The following FBXL13 variants were observed in gnomAD, a reference collection of about 807,000 sequenced individuals.
FBXL13 encodes the protein F-box and leucine rich repeat protein 13.
A neutral mutation model predicts 83.6 loss-of-function variants in FBXL13; 67 were observed. That is an observed-to-expected ratio of 0.80 (90% CI 0.66 to 0.98). The LOEUF is 0.98. Ranked by LOEUF, FBXL13 falls within the 50% of genes least tolerant of loss-of-function variation. The pLI, the probability that FBXL13 is intolerant of heterozygous loss-of-function variation, is 0.00. For synonymous variants in FBXL13, 272 were observed against 299.5 expected (o/e 0.91, Z 0.95); for missense variants, 822 against 866.5 (o/e 0.95, Z 0.64).
chr7:103,015,933 C>G (rs1459303832), intron 6 of FBXL13, among the ~76,000 whole-genome samples: 2 of 152,046 alleles, frequency 1.3e-5, no homozygotes, highest in Non-Finnish European at 2.9e-5. Flanking sequence ...AGGAATACAG[C>G]TCTAACCAGC....
At chr7:102,905,506 T>C (rs1433452879) in intron 11 of FBXL13, among the ~76,000 whole-genome samples, 1 of 152,218 alleles carries the variant, frequency 6.6e-6, no homozygotes, top group African/African-American at 2.4e-5. Flanking sequence ...TGTGTCTTTA[T>C]AGATGAAGTC....
At chr7:102,952,063 A>G (rs2140621) in intron 8 of FBXL13, among the ~76,000 whole-genome samples, 147,879 of 152,220 alleles carry the variant, frequency 0.97, 71,987 homozygotes, top group East Asian at 1. Flanking sequence ...CCCTGACGAC[A>G]TTGTGCTAAG....
intron 8 of FBXL13, 39 bp from the exon 10 acceptor site, chr7:102,931,972 G>C: frequency 6.3e-7 from 1 of 1,588,532 alleles, no homozygotes. Context: ...ACTACATATT[G>C]CAAATGTTTA....
intron 10 of FBXL13, among the ~76,000 whole-genome samples, chr7:102,925,143 C>T (rs1817870260): frequency 6.6e-6 from 1 of 152,168 alleles, no homozygotes; most frequent in South Asian, 2.1e-4. Context: ...TGGCTCATGC[C>T]AGCACTTTGG....
intron 6 of FBXL13, chr7:102,973,563 CGTGTTGTCT>C (rs768133436): frequency 2.2e-5 from 17 of 765,110 alleles, no homozygotes; most frequent in South Asian, 6.7e-5. Context: ...CACACTGCCT[CGTGTTGTCT>C]GTTGGCACAC....
intron 8 of FBXL13, among the ~76,000 whole-genome samples, chr7:102,948,658 G>A (rs941598183): frequency 4.6e-5 from 7 of 151,700 alleles, no homozygotes; most frequent in African/African-American, 1.7e-4. Context: ...CTCCTGACCT[G>A]TGATCTGCCT....
Position 102,822,190 on chromosome 7 carries a change from G to A in FBXL13, c.1868C>T (p.Ala623Val), listed in dbSNP as rs374520810. The change falls in exon 19 of 20, where the codon GCA becomes GTA. Residue 623 changes from alanine to valine, a missense_variant. Ala to Val is a moderately conservative substitution (Grantham distance 64). Transcript: ENST00000313221. ...GCATTTTGCCGATAACATCTCCATTGCTGAGTCAGTAATCTGAACACAGAG... is the reference window on the plus strand; with the variant it reads ...GCATTTTGCCGATAACATCTCCATTACTGAGTCAGTAATCTGAACACAGAG... 8 of 1,613,872 alleles carry A rather than the reference G, an allele frequency of 5.0e-6. No individual in the cohort carries two copies. The Admixed American group carries it at 6.7e-5, about 13-fold the overall frequency.
chr7:103,036,945 C>T (rs1487926379), intron 2 of FBXL13, among the ~76,000 whole-genome samples: 1 of 152,186 alleles, frequency 6.6e-6, no homozygotes, highest in African/African-American at 2.4e-5. Flanking sequence ...GTTTCTTAAA[C>T]ATGTTCATGT....
intron 1 of FBXL13, among the ~76,000 whole-genome samples, chr7:103,069,370 C>A (rs1400947874): frequency 6.6e-6 from 1 of 152,162 alleles, no homozygotes; most frequent in Non-Finnish European, 1.5e-5. Context: ...TTATGCCCTC[C>A]CCAAGTTTGC....
At chr7:103,037,843 G>A (rs146884773) in intron 2 of FBXL13, among the ~76,000 whole-genome samples, 7 of 152,020 alleles carry the variant, frequency 4.6e-5, no homozygotes, top group African/African-American at 1.4e-4. Flanking sequence ...CAAGATGGCC[G>A]AATAGAAACA....
intron 6 of FBXL13, among the ~76,000 whole-genome samples, chr7:103,024,850 TA>T (rs1226728927): frequency 0.03 from 3,254 of 106,826 alleles, 61 homozygotes; most frequent in East Asian, 0.088. Context: ...TATATATATA[TA>T]TATATATTTT....
At chr7:102,934,526 C>T in intron 8 of FBXL13, 1 of 1,604,078 alleles carries the variant, frequency 6.2e-7, no homozygotes, top group Non-Finnish European at 8.5e-7. Flanking sequence ...AAAACTGCGG[C>T]AGATAAAATC....
At chr7:103,047,695 T>G (rs1051959103) in intron 2 of FBXL13, among the ~76,000 whole-genome samples, 1 of 151,998 alleles carries the variant, frequency 6.6e-6, no homozygotes, top group Non-Finnish European at 1.5e-5. Context: ...TCCTATACAT[T>G]TTTTTTTGTT....
intron 2 of FBXL13, among the ~76,000 whole-genome samples, chr7:103,034,364 G>A (rs79049204): frequency 0.057 from 8,663 of 152,280 alleles, 482 homozygotes; most frequent in East Asian, 0.28. Context: ...CAGGCATGGC[G>A]GACTGCAGGT....
At chr7:103,068,387 C>G (rs1401065075) in intron 1 of FBXL13, among the ~76,000 whole-genome samples, 2 of 152,182 alleles carry the variant, frequency 1.3e-5, no homozygotes, top group Non-Finnish European at 2.9e-5. Flanking sequence ...TAACCTATCT[C>G]TAGATCTGAG....
At chr7:102,821,898 T>C in intron 19 of FBXL13, 142 bp downstream of exon 20, 1 of 895,468 alleles carries the variant, frequency 1.1e-6, no homozygotes, top group East Asian at 2.6e-5. Context: ...CTCACAATGT[T>C]AGCTTCAATT....
At chr7:102,927,203 G>A (rs1429852278) in intron 9 of FBXL13, among the ~76,000 whole-genome samples, 8 of 152,196 alleles carry the variant, frequency 5.3e-5, no homozygotes, top group Admixed American at 1.3e-4. Flanking sequence ...AAAATACAAC[G>A]AGTAGCAGCA....
intron 1 of FBXL13, among the ~76,000 whole-genome samples, chr7:103,069,257 A>C (rs979392610): frequency 1.1e-4 from 16 of 152,110 alleles, no homozygotes; most frequent in African/African-American, 3.6e-4. Flanking sequence ...GGAAGTGAGG[A>C]GCGCCTCTAC....
chr7:103,023,495 G>C (rs986235345), intron 6 of FBXL13, among the ~76,000 whole-genome samples: 2 of 152,160 alleles, frequency 1.3e-5, no homozygotes, highest in Non-Finnish European at 2.9e-5. Context: ...AGGTTACAGA[G>C]AAAAGGAAAT....
Sources: allele counts gnomAD v4.1 joint callset (sites outside exome capture counted in the v4.1 genomes callset), GRCh38; gene constraint gnomAD v4.1.1; transcripts MANE v1.5; gene names NCBI Gene and HGNC (gene_info 2026-07-23, HGNC 2026-07-21).